Variants in SFMBT1 observed in about 807,000 individuals in gnomAD.
SFMBT1 encodes scm-like with four MBT domains protein 1.
SFMBT1 carries 32 observed loss-of-function variants against 108.7 expected under a neutral mutation model. The ratio of observed to expected loss-of-function variants is 0.29; its 90% confidence interval spans 0.22 to 0.40. SFMBT1 has a LOEUF of 0.40. Among genes scored for constraint, SFMBT1 ranks in the 10% least tolerant of loss-of-function variants. The probability of loss-of-function intolerance (pLI) is 1.00; values close to 1 mark genes in which losing one functional copy is unlikely to be tolerated. For synonymous variants in SFMBT1, 348 were observed against 369.5 expected, an observed-to-expected ratio of 0.94 and a Z score of 0.67; for missense variants, 816 against 1,059.6, an observed-to-expected ratio of 0.77 and a Z score of 3.19.
At chr3:52,995,632 T>G (rs1034430831) in intron 1 of SFMBT1, among the ~76,000 whole-genome samples, 6 of 149,918 alleles carry the variant, frequency 4.0e-5, no homozygotes, top group African/African-American at 1.5e-4. Flanking sequence ...ACTCCTAAAC[T>G]CAAGTGATCC....
chr3:53,014,932 T>C (rs887175401), intron 1 of SFMBT1, among the ~76,000 whole-genome samples: 6 of 152,086 alleles, frequency 3.9e-5, no homozygotes, highest in Non-Finnish European at 2.9e-5. Flanking sequence ...ATATAAAAAG[T>C]AATAGGACCG....
At position 52,977,615 on chromosome 3, in the gene SFMBT1, A is replaced by T. The variant is rs114337168; in HGVS notation, c.-130-8357T>A. ...GTTAAAAAGAGTAAGACAGCTTAGT[A>T]AGCATAAAGTTCATGCTGGGGTGAT... On this transcript the variant is annotated intron_variant, in intron 1 of 20. Transcript: ENST00000394752. 9.4e-3 allele frequency among the ~76,000 whole-genome samples: 1,435 copies of T among 152,332 alleles called. 19 individuals carry two copies. Among genetic ancestry groups the T allele is most frequent in the African/African-American group, 0.032 (1,344 of 41,576 alleles).
intron 1 of SFMBT1, among the ~76,000 whole-genome samples, chr3:52,995,920 A>C (rs1465473299): frequency 1.3e-5 from 2 of 148,990 alleles, no homozygotes; most frequent in Non-Finnish European, 3.0e-5. Context: ...AAAAATACAA[A>C]AATTAGCCAG....
chr3:52,911,158 C>T lies in SFMBT1; in HGVS notation c.1751G>A (p.Arg584Gln), dbSNP rs140740471. 16 of 1,610,504 alleles carry T rather than the reference C, an allele frequency of 9.9e-6. No individual in the cohort carries two copies. Among genetic ancestry groups the T allele is most frequent in the South Asian group, 4.4e-5 (4 of 90,322 alleles). Residue 584 changes from arginine to glutamine, a missense_variant, in exon 17 of 21, where the codon CGG becomes CAG. By Grantham distance (43) the Arg-to-Gln change is conservative. This residue lies in a region of SFMBT1 where 79 missense variants were observed against 120.8 expected (regional missense o/e 0.65). Coordinates refer to ENST00000394752, the MANE Select transcript of SFMBT1 (RefSeq NM_016329.4). ...LKAKYKGKSYRATVEIVKTAD... is the reference protein window; with the variant it reads ...LKAKYKGKSYQATVEIVKTAD... ...TGTTTTCACTATCTCAACAGTAGCC[C>T]GATAACTCTTTCCTTTATATCTGCC... is the stretch of plus-strand genomic sequence containing the variant.
chr3:52,981,190 T>C (rs949967759), intron 1 of SFMBT1, among the ~76,000 whole-genome samples: 2 of 148,990 alleles, frequency 1.3e-5, no homozygotes, highest in African/African-American at 4.9e-5. Context: ...AGGTGAAGGA[T>C]CTAAAGCTGG....
At chr3:52,985,735 T>G (rs1704883016) in intron 1 of SFMBT1, among the ~76,000 whole-genome samples, 1 of 152,204 alleles carries the variant, frequency 6.6e-6, no homozygotes, top group East Asian at 1.9e-4. Context: ...CTATACGGTG[T>G]AGCCTATTGC....
intron 1 of SFMBT1, among the ~76,000 whole-genome samples, chr3:52,973,805 T>C (rs531680375): frequency 6.6e-6 from 1 of 151,714 alleles, no homozygotes; most frequent in African/African-American, 2.4e-5. Context: ...TAATTTTGTA[T>C]TGTGGTAGAG....
intron 1 of SFMBT1, among the ~76,000 whole-genome samples, chr3:53,006,967 A>T (rs1298570794): frequency 2.0e-5 from 3 of 152,176 alleles, no homozygotes; most frequent in African/African-American, 7.2e-5. Context: ...GTAGACTGTA[A>T]GCTCCATGAG....
At chr3:52,930,040 G>A (rs1027987404) in intron 8 of SFMBT1, among the ~76,000 whole-genome samples, 11 of 152,204 alleles carry the variant, frequency 7.2e-5, no homozygotes, top group Non-Finnish European at 1.3e-4. Context: ...TCCTAAAGGA[G>A]TTAAATCTCC....
At chr3:52,971,652 G>T (rs1704347705) in intron 1 of SFMBT1, among the ~76,000 whole-genome samples, 1 of 152,164 alleles carries the variant, frequency 6.6e-6, no homozygotes, top group Admixed American at 6.5e-5. Flanking sequence ...ATTTTCAACT[G>T]CAGGGAGACA....
chr3:52,970,424 G>A (rs1423473589), intron 1 of SFMBT1, among the ~76,000 whole-genome samples: 2 of 151,952 alleles, frequency 1.3e-5, no homozygotes, highest in African/African-American at 2.4e-5. Context: ...ATGTTTTTGA[G>A]GTTCATCCAC....
chr3:52,962,498 C>G (rs1429006995), intron 2 of SFMBT1, among the ~76,000 whole-genome samples: 1 of 151,868 alleles, frequency 6.6e-6, no homozygotes, highest in Admixed American at 6.6e-5. Context: ...TTTTGTATCC[C>G]TATTTTTTGT....
intron 5 of SFMBT1, among the ~76,000 whole-genome samples, chr3:52,934,080 T>C (rs918202527): frequency 6.6e-6 from 1 of 152,044 alleles, no homozygotes; most frequent in African/African-American, 2.4e-5. Flanking sequence ...AAATGGCCCA[T>C]AAGCACAAAA....
At chr3:52,955,811 C>T (rs776543903) in intron 2 of SFMBT1, among the ~76,000 whole-genome samples, 1 of 152,146 alleles carries the variant, frequency 6.6e-6, no homozygotes, top group East Asian at 1.9e-4. Flanking sequence ...TAAAACTATT[C>T]CAAAAAACTG....
intron 6 of SFMBT1, among the ~76,000 whole-genome samples, chr3:52,931,804 C>G (rs1702867148): frequency 6.6e-6 from 1 of 152,120 alleles, no homozygotes; most frequent in Non-Finnish European, 1.5e-5. Context: ...CATGACACTG[C>G]ACTCCAGCCT....
chr3:52,907,142 T>C lies in SFMBT1; in HGVS notation c.2258A>G (p.Asp753Gly). 1 of 1,614,192 alleles carries C rather than the reference T, an allele frequency of 6.2e-7. No individual in the cohort carries two copies. Among genetic ancestry groups the C allele is most frequent in the Non-Finnish European group, 8.5e-7 (1 of 1,180,024 alleles). ...QSEISTSLPP[D>G]RQRRKRELRT... is the part of the protein sequence containing the mutation. ...AAGCTCCCTTTTTCTCCTTTGTCTA[T>C]CTGGAGGCAGCGATGTGGATATCTC... The change falls in exon 19 of 21, where the codon GAT becomes GGT. Residue 753 changes from aspartate (D) to glycine (G), a missense_variant. Transcript: ENST00000394752.
chr3:52,993,871 G>C (rs1037454327), intron 1 of SFMBT1, among the ~76,000 whole-genome samples: 2 of 150,084 alleles, frequency 1.3e-5, no homozygotes, highest in African/African-American at 2.4e-5. Flanking sequence ...CAGAAGCATC[G>C]TAAGTCAAAG....
chr3:52,985,745 C>T (rs1221455123), intron 1 of SFMBT1, among the ~76,000 whole-genome samples: 4 of 152,136 alleles, frequency 2.6e-5, no homozygotes, highest in Non-Finnish European at 5.9e-5. Context: ...TAGCCTATTG[C>T]CCCTAGGCTA....
intron 5 of SFMBT1, among the ~76,000 whole-genome samples, chr3:52,933,662 C>T (rs1702923342): frequency 6.6e-6 from 1 of 151,958 alleles, no homozygotes; most frequent in Non-Finnish European, 1.5e-5. Context: ...AAGGCCCTGG[C>T]TAAGCATAAA....
Sources: gnomAD v4.1 joint callset for allele counts (sites outside exome capture counted in the v4.1 genomes callset) on GRCh38, gnomAD v4.1.1 for gene constraint, gnomAD v4.1.1 regional missense constraint, MANE v1.5 for transcripts, NCBI Gene and HGNC (gene_info 2026-07-23, HGNC 2026-07-21) for gene names.